Variants in ERCC2 observed in about 807,000 individuals in gnomAD.
ERCC2 encodes general transcription and DNA repair factor IIH helicase subunit XPD.
In ERCC2, 90 loss-of-function variants were observed where a neutral mutation model predicts 99.4. That is an observed-to-expected ratio of 0.91 (90% CI 0.76 to 1.08). The LOEUF is 1.08. Among genes scored for constraint, ERCC2 ranks in the 50% least tolerant of loss-of-function variants. The pLI, the probability that ERCC2 is intolerant of heterozygous loss-of-function variation, is 0.00. For missense variants in ERCC2, 993 were observed against 1,038.1 expected, an observed-to-expected ratio of 0.96 and a Z score of 0.60; for synonymous variants, 497 against 432.4, an observed-to-expected ratio of 1.15 and a Z score of -1.85.
chr19:45,361,675 G>A (rs770110855), intron 11 of ERCC2, 33 bp from the exon 12 acceptor site: 13 of 1,493,686 alleles, frequency 8.7e-6, no homozygotes, highest in Non-Finnish European at 1.2e-5. Context: ...TCGGGGGGCA[G>A]ACGGAAGCAT....
Position 45,352,331 on chromosome 19 carries a change from G to T in ERCC2, c.2068C>A (p.Arg690=), listed in dbSNP as rs751956427. 7 of 1,614,008 alleles carry T rather than the reference G, an allele frequency of 4.3e-6. No individual in the cohort carries two copies. Among genetic ancestry groups the T allele is most frequent in the Non-Finnish European group, 5.9e-6 (7 of 1,180,010 alleles). The change falls in exon 22 of 23, where the codon CGG becomes AGG. Residue 690 remains arginine (R), a synonymous_variant. Transcript: ENST00000391945. The stretch of plus-strand genomic sequence containing the variant: ...TGGATCCAGCGGGGCAGCTTCCCCC[G>T]CTTGTCCCCACGGGCAAACCGCTGT... ...ADKRFARGDK[R]GKLPRWIQEH... is the part of the protein sequence containing the mutation.
At position 45,353,106 on chromosome 19, in the gene ERCC2, T is replaced by C. The variant is rs745695024; in HGVS notation, c.1808A>G (p.Lys603Arg). ...GAILLSVARG[K>R]VSEGIDFVHH... The stretch of plus-strand genomic sequence containing the variant: ...ACCAAAGTCGATTCCCTCGGACACT[T>C]TGCCCCGGGCCACTGACAGCAGGAT... Residue 603 changes from lysine (K) to arginine (R), a missense_variant, in exon 19 of 23, where the codon AAA becomes AGA. Transcript: ENST00000391945. 6.2e-7 allele frequency: 1 copy of C among 1,613,322 alleles called. No homozygotes were observed. The highest frequency in any genetic ancestry group is 8.5e-7 in the Non-Finnish European group (1 of 1,179,806).
At chr19:45,359,081 T>C (rs879377772) in intron 12 of ERCC2, 20 of 598,348 alleles carry the variant, frequency 3.3e-5, no homozygotes, top group Non-Finnish European at 6.0e-5. Context: ...CAGATAGTGA[T>C]GACTGAGAGT....
chr19:45,355,749 C>G, intron 15 of ERCC2, 21 bp from the exon 16 acceptor site: 1 of 1,611,744 alleles, frequency 6.2e-7, no homozygotes, highest in Non-Finnish European at 8.5e-7. Flanking sequence ...ACAGAGGTCA[C>G]GATAAGCGAG....
intron 15 of ERCC2, among the ~76,000 whole-genome samples, 164 bp downstream of exon 15, chr19:45,357,106 G>A (rs891233526): frequency 1.3e-5 from 2 of 152,156 alleles, no homozygotes; most frequent in Non-Finnish European, 2.9e-5. Flanking sequence ...CTTGAGAGTC[G>A]AGCCCACAGA....
chr19:45,358,059 T>A, intron 12 of ERCC2: 1 of 390,202 alleles, frequency 2.6e-6, no homozygotes, highest in Non-Finnish European at 4.9e-6. Context: ...TTGTTTTTGT[T>A]TTTTGAGATG....
chr19:45,362,585 C>T (rs1972263354), intron 11 of ERCC2, among the ~76,000 whole-genome samples: 1 of 152,256 alleles, frequency 6.6e-6, no homozygotes, highest in Non-Finnish European at 1.5e-5. Flanking sequence ...GCCCTCCCAG[C>T]CTGGCTCCTC....
Position 45,350,967 on chromosome 19 carries a change from A to G in ERCC2, c.*662T>C. ...CCCTCTTTGCAGAATGAAGAGAGCC[A>G]TGTCACTCAACACACTGAACGTGGA... On this transcript the variant is annotated 3_prime_UTR_variant, in exon 23 of 23. Coordinates refer to ENST00000391945, the MANE Select transcript of ERCC2 (RefSeq NM_000400.4). 6.2e-7 allele frequency: 1 copy of G among 1,614,100 alleles called. No individual in the cohort carries two copies. The highest frequency in any genetic ancestry group is 1.1e-5 in the South Asian group (1 of 91,086).
At chr19:45,355,977 CAG>C (rs1415804674) in intron 15 of ERCC2, among the ~76,000 whole-genome samples, 2 of 152,174 alleles carry the variant, frequency 1.3e-5, no homozygotes, top group Non-Finnish European at 2.9e-5. Flanking sequence ...TTTATAAACA[CAG>C]TGTCATTGAA....
At chr19:45,362,842 G>A (rs1249283260) in intron 11 of ERCC2, among the ~76,000 whole-genome samples, 1 of 152,242 alleles carries the variant, frequency 6.6e-6, no homozygotes, top group African/African-American at 2.4e-5. Context: ...CCACAGGCAT[G>A]GCTTCAAGCC....
Position 45,370,190 on chromosome 19 carries a change from G to A in ERCC2, c.48C>T (p.Tyr16=), listed in dbSNP as rs1972559020. 3 of 1,613,546 alleles carry A rather than the reference G, an allele frequency of 1.9e-6. No individual in the cohort carries two copies. The highest frequency in any genetic ancestry group is 2.5e-6 in the Non-Finnish European group (3 of 1,179,554). The change falls in exon 2 of 23, where the codon TAC becomes TAT. Residue 16 remains tyrosine (Y), a synonymous_variant. Transcript: ENST00000391945. ...DGLLVYFPYD[Y]IYPEQFSYMR... is the part of the protein sequence containing the mutation. ...TGTAGGAGAACTGCTCGGGGTAGATGTAGTCGTACGGGAAGTAGACCAGGA... is the reference window on the plus strand; with the variant it reads ...TGTAGGAGAACTGCTCGGGGTAGATATAGTCGTACGGGAAGTAGACCAGGA...
chr19:45,362,929 G>C (rs1428574529), intron 11 of ERCC2, among the ~76,000 whole-genome samples: 1 of 152,188 alleles, frequency 6.6e-6, no homozygotes, highest in Non-Finnish European at 1.5e-5. Context: ...TCATTTGCAG[G>C]GTGGGGATGC....
At chr19:45,370,491 C>G in intron 1 of ERCC2, 45 bp downstream of exon 1, 1 of 1,522,124 alleles carries the variant, frequency 6.6e-7, no homozygotes, top group Non-Finnish European at 8.8e-7. Context: ...ATCTTCAAGA[C>G]CCCCCGCGCC....
Position 45,351,371 on chromosome 19 carries a change from G to T in ERCC2, c.*258C>A. The T allele has an allele frequency of 6.2e-7, 1 of 1,608,978 alleles. No individual in the cohort carries two copies. ...AGCCCCCACTAACGTCCAGTGAACTGCGCTGGCCGCAGCTTCTTGGGAACA... is the reference window on the plus strand; with the variant it reads ...AGCCCCCACTAACGTCCAGTGAACTTCGCTGGCCGCAGCTTCTTGGGAACA... On this transcript the variant is annotated 3_prime_UTR_variant, in exon 23 of 23. Coordinates refer to ENST00000391945, the MANE Select transcript of ERCC2 (RefSeq NM_000400.4).
chr19:45,358,840 G>A (rs1189467170), intron 12 of ERCC2: 1 of 780,790 alleles, frequency 1.3e-6, no homozygotes, highest in Non-Finnish European at 2.4e-6. Flanking sequence ...TTTCCCATCT[G>A]GAATATAAGT....
chr19:45,370,278 C>T, intron 1 of ERCC2, 46 bp from the exon 2 acceptor site: 1 of 1,602,480 alleles, frequency 6.2e-7, no homozygotes, highest in Non-Finnish European at 8.5e-7. Flanking sequence ...CTCAGCCCCT[C>T]TCCCGCCTCC....
rs145729219 is a variant in ERCC2 at position 45,357,644 on chromosome 19, G to T, written c.1293C>A (p.Pro431=). The part of the protein sequence containing the change: ...FDDRTPTIAN[P]ILHFSCMDAS... ...CAGGGTCCCACCTGAAGTGCAGGAT[G>T]GGGTTGGCAATGGTCGGGGTTCTGT... The change falls in exon 13 of 23, where the codon CCC becomes CCA. Residue 431 remains proline (P), a synonymous_variant. Transcript: ENST00000391945. 2 of 1,614,146 alleles carry T rather than the reference G, an allele frequency of 1.2e-6. No homozygotes were observed. The highest frequency in any genetic ancestry group is 3.3e-5 in the Admixed American group (2 of 60,020).
chr19:45,359,752 C>T (rs1972144367), intron 12 of ERCC2, among the ~76,000 whole-genome samples: 1 of 152,118 alleles, frequency 6.6e-6, no homozygotes, highest in South Asian at 2.1e-4. Flanking sequence ...CACCCAGTCT[C>T]CTGCCTCTAG....
intron 2 of ERCC2, among the ~76,000 whole-genome samples, chr19:45,369,892 T>G (rs1801989151): frequency 6.6e-6 from 1 of 152,122 alleles, no homozygotes. Context: ...GCCAGGCTGG[T>G]CTCCAACTCC....
Sources: gnomAD v4.1 joint callset for allele counts (sites outside exome capture counted in the v4.1 genomes callset) on GRCh38, gnomAD v4.1.1 for gene constraint, MANE v1.5 for transcripts, NCBI Gene and HGNC (gene_info 2026-07-23, HGNC 2026-07-21) for gene names.